Variants in SLIT2 observed in about 807,000 individuals in gnomAD.
SLIT2 encodes slit homolog 2 protein.
In SLIT2, 41 loss-of-function variants were observed where a neutral mutation model predicts 185.7. The observed-to-expected ratio is 0.22, with a 90% CI of 0.17 to 0.29. The LOEUF is 0.29. SLIT2 is among the 10% of genes least tolerant of loss of function. The pLI, the probability that SLIT2 is intolerant of heterozygous loss-of-function variation, is 1.00. For missense variants in SLIT2, 1,571 were observed against 1,909.0 expected, an observed-to-expected ratio of 0.82 and a Z score of 3.30; for synonymous variants, 693 against 680.2, an observed-to-expected ratio of 1.02 and a Z score of -0.29.
At chr4:20,404,577 A>G (rs1365042532) in intron 4 of SLIT2, among the ~76,000 whole-genome samples, 1 of 152,050 alleles carries the variant, frequency 6.6e-6, no homozygotes, top group Non-Finnish European at 1.5e-5. Flanking sequence ...CTAATAATCC[A>G]GTGCAAAACC....
intron 4 of SLIT2, among the ~76,000 whole-genome samples, chr4:20,328,947 G>C (rs1719831528): frequency 6.6e-6 from 1 of 152,066 alleles, no homozygotes; most frequent in Non-Finnish European, 1.5e-5. Context: ...GGAGAGAAGA[G>C]AAAGGCAGAA....
intron 4 of SLIT2, among the ~76,000 whole-genome samples, chr4:20,358,923 T>A (rs1722537832): frequency 6.6e-6 from 1 of 152,018 alleles, no homozygotes; most frequent in Admixed American, 6.6e-5. Flanking sequence ...AGATACAAAG[T>A]TTCTGTAAAA....
chr4:20,260,810 C>A (rs576408608), intron 3 of SLIT2, among the ~76,000 whole-genome samples: 9 of 151,874 alleles, frequency 5.9e-5, no homozygotes, highest in African/African-American at 1.7e-4. Flanking sequence ...GGATGAAATA[C>A]AACATTTTCA....
intron 29 of SLIT2, among the ~76,000 whole-genome samples, chr4:20,574,714 G>T (rs568917323): frequency 6.6e-6 from 1 of 151,202 alleles, no homozygotes; most frequent in Non-Finnish European, 1.5e-5. Context: ...TTGAACCTAG[G>T]AGGCAGAGGT....
intron 30 of SLIT2, among the ~76,000 whole-genome samples, chr4:20,590,422 T>C (rs1203545217): frequency 6.6e-6 from 1 of 152,162 alleles, no homozygotes; most frequent in East Asian, 1.9e-4. Flanking sequence ...TTTAATGTAA[T>C]TGAAGATGTT....
chr4:20,318,548 G>A (rs1220803017), intron 4 of SLIT2, among the ~76,000 whole-genome samples: 1 of 152,162 alleles, frequency 6.6e-6, no homozygotes, highest in Non-Finnish European at 1.5e-5. Flanking sequence ...TTCGGCTGCT[G>A]TTGCTTTTTG....
rs1434856872 is a variant in SLIT2, at chr4:20,265,522, A to G, written c.324-3288A>G. On this transcript the variant is annotated intron_variant, in intron 3 of 36. Coordinates refer to ENST00000504154, the MANE Select transcript of SLIT2 (RefSeq NM_004787.4). ...TTACGTTATCTGTCCTTTTTGTGCA[A>G]TACCACCTTGTCTTATCCTAAAAAC... 2.0e-5 allele frequency among the ~76,000 whole-genome samples: 3 copies of G among 152,064 alleles called. No individual in the cohort carries two copies. The East Asian group carries it at 5.8e-4, about 29-fold the overall frequency.
At chr4:20,272,284 A>C (rs907520951) in intron 4 of SLIT2, among the ~76,000 whole-genome samples, 14 of 150,740 alleles carry the variant, frequency 9.3e-5, no homozygotes, top group Non-Finnish European at 1.9e-4. Flanking sequence ...AAAAAAAAAA[A>C]ATAAGCCAGC....
In SLIT2 at chr4:20,589,527, G is replaced by T. The variant is rs1577980134; in HGVS notation, c.3089-117G>T. 6.5e-6 allele frequency: 5 copies of T among 773,648 alleles called. No individual in the cohort carries two copies. The Admixed American group carries it at 7.0e-5, about 11-fold the overall frequency. 47.9% of individuals were successfully genotyped at this position (773,648 alleles called of 1,614,324 possible). A position where few individuals can be genotyped will look rare whatever the true frequency, so the allele number is the denominator to read the frequency against. On this transcript the variant is annotated intron_variant, in intron 29 of 36. Transcript: ENST00000504154. ...GCTTTTGTTTTGGGTTTTTTGCTTT[G>T]TTTTGTTTTAAATCACAAGCTGCCC...
At chr4:20,525,907 A>C (rs1013778004) in intron 15 of SLIT2, among the ~76,000 whole-genome samples, 1 of 152,180 alleles carries the variant, frequency 6.6e-6, no homozygotes, top group Non-Finnish European at 1.5e-5. Context: ...ATGTTTTACC[A>C]CTTCAATCGT....
In SLIT2 at chr4:20,520,859, G is replaced by A. The variant is rs189091714; in HGVS notation, c.1130+1406G>A. On this transcript the variant is annotated intron_variant, in intron 12 of 36. Transcript: ENST00000504154. ...ATTTTACAATAGACCAATGAGTCATGAGAAATACTGATTTTGTAACTTAAT... is the reference window on the plus strand; with the variant it reads ...ATTTTACAATAGACCAATGAGTCATAAGAAATACTGATTTTGTAACTTAAT... 2.3e-3 allele frequency among the ~76,000 whole-genome samples: 350 copies of A among 152,238 alleles called. 1 individual carries two copies. Among genetic ancestry groups the A allele is most frequent in the Non-Finnish European group, 2.0e-3 (134 of 68,028 alleles).
chr4:20,444,535 G>T (rs1711554706), intron 4 of SLIT2, among the ~76,000 whole-genome samples: 1 of 152,226 alleles, frequency 6.6e-6, no homozygotes, highest in East Asian at 1.9e-4. Context: ...CCTGTCAAAA[G>T]CAGTAACTTG....
chr4:20,512,106 GA>G (rs1489586711), intron 11 of SLIT2, among the ~76,000 whole-genome samples: 1 of 152,074 alleles, frequency 6.6e-6, no homozygotes, highest in African/African-American at 2.4e-5. Flanking sequence ...TTAAATATTC[GA>G]AAGTGGAAGT....
chr4:20,278,216 A>G (rs1031834189), intron 4 of SLIT2, among the ~76,000 whole-genome samples: 1 of 151,494 alleles, frequency 6.6e-6, no homozygotes, highest in African/African-American at 2.4e-5. Flanking sequence ...TGAAACAGAA[A>G]TGCTTATCTG....
chr4:20,354,736 C>T (rs1456405209), intron 4 of SLIT2, among the ~76,000 whole-genome samples: 1 of 152,084 alleles, frequency 6.6e-6, no homozygotes, highest in East Asian at 1.9e-4. Flanking sequence ...GTAGAGGAAA[C>T]TATAGAAATT....
intron 4 of SLIT2, among the ~76,000 whole-genome samples, chr4:20,385,051 G>A (rs531888070): frequency 2.6e-5 from 4 of 152,140 alleles, no homozygotes; most frequent in South Asian, 2.1e-4. Flanking sequence ...CTCTTCTTGG[G>A]TATCTTACAG....
At position 20,541,608 on chromosome 4, in the gene SLIT2, C is replaced by A; in HGVS notation, c.2132C>A (p.Thr711Asn). The A allele has an allele frequency of 6.2e-7, 1 of 1,613,774 alleles. No individual in the cohort carries two copies. Among genetic ancestry groups the A allele is most frequent in the Non-Finnish European group, 8.5e-7 (1 of 1,179,684 alleles). ...PIQDVAIQDF[T>N]CDDGNDDNSC... ...CAGGATGTGGCCATTCAGGACTTCACTTGTGATGACGGTAAGAAATACTTA... is the reference window on the plus strand; with the variant it reads ...CAGGATGTGGCCATTCAGGACTTCAATTGTGATGACGGTAAGAAATACTTA... The change falls in exon 20 of 37, where the codon ACT becomes AAT. Residue 711 changes from threonine (T) to asparagine (N), a missense_variant. Physicochemically the swap from Thr to Asn is moderately conservative, Grantham distance 65. Transcript: ENST00000504154.
intron 5 of SLIT2, among the ~76,000 whole-genome samples, chr4:20,477,350 C>T (rs1434507331): frequency 1.3e-5 from 2 of 152,026 alleles, no homozygotes; most frequent in African/African-American, 2.4e-5. Flanking sequence ...AGGTGCCCAC[C>T]GCCACGCCTG....
At chr4:20,306,115 T>C (rs918708865) in intron 4 of SLIT2, among the ~76,000 whole-genome samples, 13 of 152,094 alleles carry the variant, frequency 8.5e-5, no homozygotes, top group Non-Finnish European at 1.8e-4. Flanking sequence ...GTAAAATTGG[T>C]TAGTGAAAGA....
Sources: gnomAD v4.1 joint callset for allele counts (sites outside exome capture counted in the v4.1 genomes callset) on GRCh38, gnomAD v4.1.1 for gene constraint, MANE v1.5 for transcripts, NCBI Gene and HGNC (gene_info 2026-07-23, HGNC 2026-07-21) for gene names.